The following PPP3R1 variants were observed in gnomAD, a reference collection of about 807,000 sequenced individuals.
PPP3R1 encodes protein phosphatase 3 regulatory subunit B, alpha, also known as calcineurin subunit B type 1.
PPP3R1 carries 5 observed loss-of-function variants against 22.6 expected under a neutral mutation model. The observed-to-expected ratio is 0.22, with a 90% CI of 0.12 to 0.46. PPP3R1 has a LOEUF of 0.46. PPP3R1 is among the 20% of genes least tolerant of loss of function. PPP3R1 has a pLI of 0.99. For missense variants in PPP3R1, 61 were observed against 203.2 expected, an observed-to-expected ratio of 0.30 and a Z score of 4.25; for synonymous variants, 56 against 65.2, an observed-to-expected ratio of 0.86 and a Z score of 0.68.
Position 68,247,843 on chromosome 2 carries a change from G to C in PPP3R1, c.3+4282C>G, listed in dbSNP as rs554470057. 2.4e-4 allele frequency among the ~76,000 whole-genome samples: 36 copies of C among 152,196 alleles called. 1 individual carries two copies. The highest frequency in any genetic ancestry group is 6.7e-4 in the African/African-American group (28 of 41,526). ...AGGATCCCTACTATCTATCTGCATT[G>C]TTACTGTATTCTTTCACATCCTTCT... On this transcript the variant is annotated intron_variant, in intron 1 of 5. Transcript: ENST00000234310.
intron 1 of PPP3R1, among the ~76,000 whole-genome samples, chr2:68,239,641 C>T (rs1216582074): frequency 1.3e-5 from 2 of 151,986 alleles, no homozygotes; most frequent in Admixed American, 1.3e-4. Context: ...AATGAATCAT[C>T]AGTACACAAG....
At chr2:68,184,053 T>C (rs72832011) in intron 5 of PPP3R1, among the ~76,000 whole-genome samples, 6,401 of 152,186 alleles carry the variant, frequency 0.042, 152 homozygotes, top group Admixed American at 0.072. Context: ...GCCACTTAGC[T>C]CCCCAACACA....
At chr2:68,231,589 A>T (rs1452834859) in intron 1 of PPP3R1, among the ~76,000 whole-genome samples, 1 of 152,224 alleles carries the variant, frequency 6.6e-6, no homozygotes, top group Non-Finnish European at 1.5e-5. Context: ...TCACATGTAC[A>T]AGTAGTGCTT....
At chr2:68,225,859 C>G (rs1558639349) in intron 1 of PPP3R1, among the ~76,000 whole-genome samples, 1 of 152,162 alleles carries the variant, frequency 6.6e-6, no homozygotes, top group Non-Finnish European at 1.5e-5. Context: ...AAAACATGTC[C>G]ACACAGAAAT....
chr2:68,184,844 T>A (rs1427858956), intron 5 of PPP3R1, among the ~76,000 whole-genome samples: 3 of 152,104 alleles, frequency 2.0e-5, no homozygotes, highest in African/African-American at 7.2e-5. Flanking sequence ...TCCCAATGCT[T>A]TGGAAGGCTG....
At chr2:68,221,790 T>C (rs1669692639) in intron 1 of PPP3R1, among the ~76,000 whole-genome samples, 1 of 151,838 alleles carries the variant, frequency 6.6e-6, no homozygotes, top group African/African-American at 2.4e-5. Flanking sequence ...CTACAGCATA[T>C]TTCTCCTTAG....
intron 1 of PPP3R1, among the ~76,000 whole-genome samples, chr2:68,232,598 TTTG>T (rs560474956): frequency 1.4e-4 from 22 of 151,772 alleles, no homozygotes; most frequent in African/African-American, 3.4e-4. Context: ...TTACAGTGTT[TTTG>T]TTGTTGTTGT....
intron 2 of PPP3R1, among the ~76,000 whole-genome samples, chr2:68,200,993 A>G (rs1674964617): frequency 6.6e-6 from 1 of 152,222 alleles, no homozygotes; most frequent in Non-Finnish European, 1.5e-5. Flanking sequence ...GTATTCTGTT[A>G]TTAATAACCC....
chr2:68,238,065 A>G (rs762166195), intron 1 of PPP3R1, among the ~76,000 whole-genome samples: 11 of 152,084 alleles, frequency 7.2e-5, no homozygotes, highest in Non-Finnish European at 1.5e-4. Context: ...TAGCTCTCCT[A>G]TTTGTGCCTA....
chr2:68,225,365 G>A (rs1268274376), intron 1 of PPP3R1, among the ~76,000 whole-genome samples: 2 of 152,202 alleles, frequency 1.3e-5, no homozygotes, highest in Non-Finnish European at 2.9e-5. Context: ...GAGGCCACAT[G>A]GCATTGAATG....
At chr2:68,211,597 T>C (rs1669489040) in intron 2 of PPP3R1, among the ~76,000 whole-genome samples, 1 of 152,128 alleles carries the variant, frequency 6.6e-6, no homozygotes, top group Non-Finnish European at 1.5e-5. Flanking sequence ...GACAATTCCT[T>C]TCATAAAAGA....
Position 68,228,165 on chromosome 2 carries a change from ATTC to A in PPP3R1, c.4-11037_4-11035del, listed in dbSNP as rs201157399. Among the ~76,000 whole-genome samples the A allele has an allele frequency of 8.0e-3, 1,222 of 152,170 alleles. 11 individuals carry two copies. The highest frequency in any genetic ancestry group is 0.028 in the African/African-American group (1,175 of 41,538). On this transcript the variant is annotated intron_variant, in intron 1 of 5. Transcript: ENST00000234310. ...AAGTTTTTGTTTTGTCTTGGGTTTT[ATTC>A]TTTAGTCTATTAATATAATTATACA...
chr2:68,199,514 T>G (rs894180292), intron 2 of PPP3R1, among the ~76,000 whole-genome samples: 5 of 152,262 alleles, frequency 3.3e-5, no homozygotes, highest in South Asian at 2.1e-4. Context: ...TGGTCAAGAG[T>G]GGAAAATCTT....
chr2:68,180,749 T>C lies in PPP3R1; in HGVS notation c.*214A>G. 1 of 502,676 alleles carries C rather than the reference T, an allele frequency of 2.0e-6. No individual in the cohort carries two copies. 31.1% of individuals were successfully genotyped at this position (502,676 alleles called of 1,614,324 possible). A position where few individuals can be genotyped will look rare whatever the true frequency, so the allele number is the denominator to read the frequency against. ...CATTGATATGCTCTTTTCATGTTGC[T>C]GTCCTTCAGACTTTAAAGTGCTACA... On this transcript the variant is annotated 3_prime_UTR_variant, in exon 6 of 6. Coordinates refer to ENST00000234310, the MANE Select transcript of PPP3R1 (RefSeq NM_000945.4).
chr2:68,223,320 T>TG (rs1669722929), intron 1 of PPP3R1, among the ~76,000 whole-genome samples: 2 of 152,116 alleles, frequency 1.3e-5, no homozygotes, highest in African/African-American at 4.8e-5. Flanking sequence ...CGCTTGAACC[T>TG]GGGAGGTGGA....
At chr2:68,237,145 C>G (rs960111000) in intron 1 of PPP3R1, among the ~76,000 whole-genome samples, 2 of 152,076 alleles carry the variant, frequency 1.3e-5, no homozygotes, top group African/African-American at 2.4e-5. Context: ...CTGAAACATT[C>G]TTGACTCTGT....
chr2:68,191,816 T>C (rs758538808), intron 2 of PPP3R1, among the ~76,000 whole-genome samples: 1 of 152,220 alleles, frequency 6.6e-6, no homozygotes, highest in Non-Finnish European at 1.5e-5. Context: ...TTTAATGGAA[T>C]ATGTGACATA....
intron 2 of PPP3R1, among the ~76,000 whole-genome samples, chr2:68,190,254 TTAAAAAAAA>T (rs1344521743): frequency 7.0e-5 from 6 of 85,522 alleles, no homozygotes; most frequent in East Asian, 2.9e-4. Context: ...CAAGTTTCTC[TTAAAAAAAA>T]AAAAAAAAAA....
chr2:68,215,024 G>A (rs750309702), intron 2 of PPP3R1, among the ~76,000 whole-genome samples: 3 of 151,946 alleles, frequency 2.0e-5, no homozygotes, highest in Admixed American at 1.3e-4. Flanking sequence ...CTAAGCAAAC[G>A]CATGAACAGA....
Sources: allele counts gnomAD v4.1 joint callset (sites outside exome capture counted in the v4.1 genomes callset), GRCh38; gene constraint gnomAD v4.1.1; transcripts MANE v1.5; gene names NCBI Gene and HGNC (gene_info 2026-07-23, HGNC 2026-07-21).